Variants in CSMD1 observed in about 807,000 individuals in gnomAD.
The protein encoded by CSMD1 is CUB and Sushi multiple domains 1.
In CSMD1, 213 loss-of-function variants were observed where a neutral mutation model predicts 417.5. The observed-to-expected ratio is 0.51, with a 90% CI of 0.46 to 0.57. The LOEUF (loss-of-function observed/expected upper bound fraction) is 0.57, where lower values mean the gene tolerates loss of function less well. CSMD1 is among the 20% of genes least tolerant of loss of function. CSMD1 has a pLI of 0.00. For synonymous variants in CSMD1, 2,862 were observed against 1,736.8 expected (o/e 1.65, Z -16.11); for missense variants, 6,923 against 4,529.7 (o/e 1.53, Z -15.17).
At chr8:4,507,865 C>G (rs1454133513) in intron 2 of CSMD1, among the ~76,000 whole-genome samples, 1 of 152,054 alleles carries the variant, frequency 6.6e-6, no homozygotes, top group Admixed American at 6.5e-5. Context: ...ATACACTGGT[C>G]AATTTCAGTT....
chr8:4,941,337 A>G (rs1293385509), intron 1 of CSMD1, among the ~76,000 whole-genome samples: 1 of 151,758 alleles, frequency 6.6e-6, no homozygotes, highest in Non-Finnish European at 1.5e-5. Context: ...TTCATAATAA[A>G]TGTTTTGAGT....
intron 1 of CSMD1, among the ~76,000 whole-genome samples, chr8:4,947,973 C>A (rs953215358): frequency 1.3e-5 from 2 of 152,066 alleles, no homozygotes; most frequent in Middle Eastern, 3.4e-3. Context: ...TTTAAGATAT[C>A]CATAAAAAAA....
intron 8 of CSMD1, among the ~76,000 whole-genome samples, chr8:3,605,132 C>T (rs892556950): frequency 6.6e-6 from 1 of 152,122 alleles, no homozygotes; most frequent in East Asian, 1.9e-4. Flanking sequence ...GTAGCTGGGA[C>T]TACAGGCGCA....
rs572479384 is a variant in CSMD1 at position 4,908,273 on chromosome 8, T to C, written c.85+86059A>G. On this transcript the variant is annotated intron_variant, in intron 1 of 69. Coordinates refer to ENST00000635120, the MANE Select transcript of CSMD1 (RefSeq NM_033225.6). ...TAGGGTAAAGTATTCCTTCCTGAATTCTTTCAAGGTTTCCTTTATCTCTGG... is the reference window on the plus strand; with the variant it reads ...TAGGGTAAAGTATTCCTTCCTGAATCCTTTCAAGGTTTCCTTTATCTCTGG... Among the ~76,000 whole-genome samples the C allele has an allele frequency of 2.0e-5, 3 of 152,340 alleles. No individual in the cohort carries two copies. In the East Asian group the frequency reaches 5.8e-4, roughly 29 times the overall value.
chr8:2,993,761 T>C (rs1350420114), intron 54 of CSMD1, among the ~76,000 whole-genome samples: 1 of 152,110 alleles, frequency 6.6e-6, no homozygotes, highest in African/African-American at 2.4e-5. Flanking sequence ...AGTGCCACAA[T>C]GAAGACAGCT....
intron 1 of CSMD1, among the ~76,000 whole-genome samples, chr8:4,721,295 T>C (rs191520611): frequency 6.6e-6 from 1 of 152,310 alleles, no homozygotes; most frequent in African/African-American, 2.4e-5. Flanking sequence ...AAGAAATAAA[T>C]ACATGTGATT....
chr8:3,512,469 A>G (rs1490948987), intron 10 of CSMD1, among the ~76,000 whole-genome samples: 1 of 152,122 alleles, frequency 6.6e-6, no homozygotes. Flanking sequence ...ATGACACCTA[A>G]GGATGCTGTA....
At chr8:4,174,250 G>A (rs767555667) in intron 3 of CSMD1, among the ~76,000 whole-genome samples, 1 of 152,116 alleles carries the variant, frequency 6.6e-6, no homozygotes, top group Non-Finnish European at 1.5e-5. Context: ...CGCTAAAAAG[G>A]AAATGAATCT....
chr8:4,382,577 A>T (rs1322153332), intron 3 of CSMD1, among the ~76,000 whole-genome samples: 2 of 152,258 alleles, frequency 1.3e-5, no homozygotes, highest in Admixed American at 6.5e-5. Context: ...CCTTTAAAGG[A>T]AAGTTAAAAG....
intron 1 of CSMD1, among the ~76,000 whole-genome samples, chr8:4,768,157 G>A (rs538976142): frequency 3.9e-5 from 6 of 152,222 alleles, no homozygotes; most frequent in Admixed American, 6.5e-5. Flanking sequence ...AAAACTAGTG[G>A]TGAAAATTAG....
intron 1 of CSMD1, among the ~76,000 whole-genome samples, chr8:4,699,991 T>C (rs752048315): frequency 3.3e-5 from 5 of 152,214 alleles, no homozygotes; most frequent in African/African-American, 4.8e-5. Flanking sequence ...TTATAATACA[T>C]GGCTTCAATT....
At chr8:4,403,354 A>G (rs1017069760) in intron 3 of CSMD1, among the ~76,000 whole-genome samples, 2 of 152,136 alleles carry the variant, frequency 1.3e-5, no homozygotes. Context: ...ACTCCTTATA[A>G]GGAAGTCTCT....
At chr8:3,622,505 G>A (rs556538112) in intron 7 of CSMD1, among the ~76,000 whole-genome samples, 20 of 152,322 alleles carry the variant, frequency 1.3e-4, no homozygotes, top group Admixed American at 7.2e-4. Flanking sequence ...GGAGCTACCT[G>A]CCCAAGTTGG....
intron 7 of CSMD1, among the ~76,000 whole-genome samples, chr8:3,630,782 A>C (rs1796746185): frequency 6.6e-6 from 1 of 152,328 alleles, no homozygotes; most frequent in East Asian, 1.9e-4. Context: ...TGGCTAAAGC[A>C]ATAGAAGAAC....
intron 2 of CSMD1, among the ~76,000 whole-genome samples, chr8:4,584,309 G>A (rs536419165): frequency 6.5e-4 from 98 of 151,608 alleles, no homozygotes; most frequent in Middle Eastern, 3.4e-3. Flanking sequence ...TGGTGAGACC[G>A]TCGCCTATCG....
At chr8:4,924,993 A>T (rs1330422853) in intron 1 of CSMD1, among the ~76,000 whole-genome samples, 2 of 152,040 alleles carry the variant, frequency 1.3e-5, no homozygotes, top group African/African-American at 2.4e-5. Flanking sequence ...CATTGCATAA[A>T]TACCTCCAAT....
At chr8:4,446,755 CTGTGTGTGTGTGTGTGTGTG>C (rs58002310) in intron 2 of CSMD1, among the ~76,000 whole-genome samples, 24 of 133,020 alleles carry the variant, frequency 1.8e-4, no homozygotes, top group South Asian at 9.8e-4. Flanking sequence ...GTGTGTGTGT[CTGTGTGTGTGTGTGTGTGTG>C]TGTGTGTGTG....
At chr8:3,435,655 T>C (rs1814512147) in intron 12 of CSMD1, among the ~76,000 whole-genome samples, 1 of 152,166 alleles carries the variant, frequency 6.6e-6, no homozygotes, top group African/African-American at 2.4e-5. Context: ...TCCTCTCACC[T>C]GCACGGTGCC....
chr8:4,250,732 A>G (rs1307372073), intron 3 of CSMD1, among the ~76,000 whole-genome samples: 1 of 152,190 alleles, frequency 6.6e-6, no homozygotes, highest in Non-Finnish European at 1.5e-5. Context: ...ATCTAAAGAA[A>G]GTTTGCAAAG....
Sources: allele counts gnomAD v4.1 joint callset (sites outside exome capture counted in the v4.1 genomes callset), GRCh38; gene constraint gnomAD v4.1.1; transcripts MANE v1.5; gene names NCBI Gene and HGNC (gene_info 2026-07-23, HGNC 2026-07-21).